FRK: variants seen among roughly 807,000 people sequenced by gnomAD.
FRK encodes tyrosine-protein kinase FRK.
In FRK, 51 loss-of-function variants were observed where a neutral mutation model predicts 56.4. The ratio of observed to expected loss-of-function variants is 0.90; its 90% CI spans 0.72 to 1.14. The LOEUF (loss-of-function observed/expected upper bound fraction) is 1.14, where lower values mean the gene tolerates loss of function less well. Ranked by LOEUF, FRK falls within the 50% of genes most tolerant of loss-of-function variation. FRK has a pLI of 0.00. For missense variants in FRK, 570 were observed against 601.4 expected, an observed-to-expected ratio of 0.95 and a Z score of 0.55; for synonymous variants, 245 against 217.9, an observed-to-expected ratio of 1.12 and a Z score of -1.10.
At chr6:116,047,081 C>G (rs776043409) in intron 1 of FRK, among the ~76,000 whole-genome samples, 67 of 151,224 alleles carry the variant, frequency 4.4e-4, no homozygotes, top group Non-Finnish European at 8.8e-4. Flanking sequence ...GCTGCCTCTA[C>G]TTTAAGACCT....
At chr6:116,050,794 A>C (rs1777151530) in intron 1 of FRK, among the ~76,000 whole-genome samples, 1 of 152,208 alleles carries the variant, frequency 6.6e-6, no homozygotes, top group South Asian at 2.1e-4. Context: ...TGGATAACTG[A>C]ATCTCATAGA....
At chr6:116,007,870 TG>T (rs1165715977) in intron 1 of FRK, among the ~76,000 whole-genome samples, 4 of 152,106 alleles carry the variant, frequency 2.6e-5, no homozygotes, top group African/African-American at 9.7e-5. Context: ...ATTTGAAAGT[TG>T]GGGCACATAA....
intron 1 of FRK, among the ~76,000 whole-genome samples, chr6:116,030,263 T>C (rs1776252949): frequency 6.6e-6 from 1 of 152,116 alleles, no homozygotes; most frequent in Non-Finnish European, 1.5e-5. Context: ...CCCTCAGGTG[T>C]CCCATAAAAT....
At chr6:116,033,777 T>G (rs1266517602) in intron 1 of FRK, among the ~76,000 whole-genome samples, 1 of 152,166 alleles carries the variant, frequency 6.6e-6, no homozygotes, top group East Asian at 1.9e-4. Flanking sequence ...TTTTGGCATT[T>G]TAATGGGGTC....
At chr6:115,975,014 T>C (rs912145718) in intron 2 of FRK, among the ~76,000 whole-genome samples, 2 of 152,186 alleles carry the variant, frequency 1.3e-5, no homozygotes, top group Non-Finnish European at 2.9e-5. Flanking sequence ...AATGAATGAA[T>C]GATATCACTA....
intron 1 of FRK, among the ~76,000 whole-genome samples, chr6:116,028,234 T>C (rs1303076458): frequency 9.9e-5 from 15 of 152,162 alleles, no homozygotes; most frequent in Non-Finnish European, 1.8e-4. Context: ...GAAATCACAA[T>C]TTATTTTTAA....
At chr6:116,023,009 C>T (rs571106356) in intron 1 of FRK, among the ~76,000 whole-genome samples, 2 of 152,186 alleles carry the variant, frequency 1.3e-5, no homozygotes, top group South Asian at 2.1e-4. Flanking sequence ...TAAAGAGACA[C>T]TTCACAAAAG....
chr6:116,016,559 TTGTG>T lies in FRK; in HGVS notation c.345-12565_345-12562del, dbSNP rs149504212. 9.7e-4 allele frequency among the ~76,000 whole-genome samples: 147 copies of T among 150,964 alleles called. 2 individuals carry two copies. The highest frequency in any genetic ancestry group is 3.5e-3 in the African/African-American group (144 of 41,284). ...TGAGTGGATGGATGTGTGTGTGTGT[TTGTG>T]TGTGTGTGTGTAGCTGCAGATACCA... is the stretch of plus-strand genomic sequence containing the variant. On this transcript the variant is annotated intron_variant, in intron 1 of 7. Coordinates refer to ENST00000606080, the MANE Select transcript of FRK (RefSeq NM_002031.3).
chr6:116,010,291 T>C (rs1775415405), intron 1 of FRK, among the ~76,000 whole-genome samples: 1 of 152,148 alleles, frequency 6.6e-6, no homozygotes, highest in African/African-American at 2.4e-5. Flanking sequence ...ATGAAAGTAA[T>C]GACAGAGGAG....
chr6:116,054,115 AGTTAT>A (rs577909607), intron 1 of FRK, among the ~76,000 whole-genome samples: 48 of 151,862 alleles, frequency 3.2e-4, no homozygotes, highest in Admixed American at 3.0e-3. Context: ...AAATTGAGTT[AGTTAT>A]ATTAACATAA....
Position 115,942,606 on chromosome 6 carries a change from T to G in FRK, c.1326A>C (p.Val442=). Residue 442 remains valine, a synonymous_variant, in exon 8 of 8, where the codon GTA becomes GTC. Coordinates refer to ENST00000606080, the MANE Select transcript of FRK (RefSeq NM_002031.3). ...MPYSGMTGAQ[V]IQMLAQNYRL... Reference sequence around the variant, plus strand: ...TATAGTTTTGAGCCAACATCTGGATTACCTGGGCACCTGTCATACCTTGAA... The same window carrying G: ...TATAGTTTTGAGCCAACATCTGGATGACCTGGGCACCTGTCATACCTTGAA... 6.2e-7 allele frequency: 1 copy of G among 1,613,572 alleles called. No homozygotes were observed. The highest frequency in any genetic ancestry group is 1.1e-5 in the South Asian group (1 of 91,064).
At chr6:116,086,977 C>T in the FRK span, among the ~76,000 whole-genome samples, 2 of 152,124 alleles carry the variant, frequency 1.3e-5, no homozygotes, top group South Asian at 4.1e-4. Flanking sequence ...AGACAAAATA[C>T]TTGATGTCGT....
rs771369638 is a variant in FRK at position 115,956,528 on chromosome 6, A to G, written c.882T>C (p.Ala294=). 6.3e-7 allele frequency: 1 copy of G among 1,595,494 alleles called. No homozygotes were observed. Among genetic ancestry groups the G allele is most frequent in the Non-Finnish European group, 8.5e-7 (1 of 1,171,160 alleles). ...AAATTGGATCTTCTAAAGTGCAAAC[A>G]GCATAAAGCTGGATAAGCTTTGGAT... is the stretch of plus-strand genomic sequence containing the variant. ...LRHPKLIQLY[A]VCTLEDPIYI... Residue 294 remains alanine, a synonymous_variant, in exon 5 of 8, where the codon GCT becomes GCC. Transcript: ENST00000606080.
At chr6:116,039,603 C>T (rs77427140) in intron 1 of FRK, 5 of 776,662 alleles carry the variant, frequency 6.4e-6, no homozygotes. Context: ...CATCTGCCCC[C>T]TCTTGCGGCC....
rs1051790796 is a variant in FRK, at chr6:115,931,925, T to C, written c.*10489A>G. ...TACTTCCAACTGGACACTTGAGGTG[T>C]GTTTGAGATATAGCACCCTTTTCTG... On this transcript the variant is annotated 3_prime_UTR_variant, in exon 8 of 8. Transcript: ENST00000606080. 6.6e-6 allele frequency: 1 copy of C among 152,198 alleles called. No individual in the cohort carries two copies. The highest frequency in any genetic ancestry group is 1.5e-5 in the Non-Finnish European group (1 of 68,020). The allele number at this position is 152,198 out of a possible 1,614,324, so 9.4% of individuals were successfully genotyped here.
Position 115,932,199 on chromosome 6 carries a change from T to C in FRK, c.*10215A>G, listed in dbSNP as rs1052160106. On this transcript the variant is annotated 3_prime_UTR_variant, in exon 8 of 8. Coordinates refer to ENST00000606080, the MANE Select transcript of FRK (RefSeq NM_002031.3). ...ACTACTTTGTTCTCCAGTATATTTC[T>C]AAATTTCATAAATAACTTGAGAGGC... 11 of 152,236 alleles carry C rather than the reference T, an allele frequency of 7.2e-5. No individual in the cohort carries two copies. Among genetic ancestry groups the C allele is most frequent in the Admixed American group, 1.3e-4 (2 of 15,282 alleles). 9.4% of individuals were successfully genotyped at this position (152,236 alleles called of 1,614,324 possible).
chr6:116,054,899 A>G (rs1777333116), intron 1 of FRK, among the ~76,000 whole-genome samples: 1 of 152,052 alleles, frequency 6.6e-6, no homozygotes, highest in Non-Finnish European at 1.5e-5. Flanking sequence ...ATTAAGGGTA[A>G]TGTTAATTTT....
rs1277668692 is a variant in FRK, at chr6:115,937,574, G to A, written c.*4840C>T. On this transcript the variant is annotated 3_prime_UTR_variant, in exon 8 of 8. Coordinates refer to ENST00000606080, the MANE Select transcript of FRK (RefSeq NM_002031.3). ...ACCCATCAGTGTGCTGTATTCAGGAGACCCATCTCACATGCAAAGAGACAC... is the reference window on the plus strand; with the variant it reads ...ACCCATCAGTGTGCTGTATTCAGGAAACCCATCTCACATGCAAAGAGACAC... 6.6e-6 allele frequency: 1 copy of A among 152,050 alleles called. No individual in the cohort carries two copies. The allele number at this position is 152,050 out of a possible 1,614,324, so 9.4% of individuals were successfully genotyped here.
chr6:116,060,324 G>T lies in FRK; in HGVS notation c.-13C>A, dbSNP rs1296851330. On this transcript the variant is annotated 5_prime_UTR_variant, in exon 1 of 8. Transcript: ENST00000606080. ...AGATGTTGCTCATTGTGCCTTGGTG[G>T]GGAGAAGAGGAGCAGGGCTTCTCCC... 4 of 1,601,104 alleles carry T rather than the reference G, an allele frequency of 2.5e-6. No homozygotes were observed. The highest frequency in any genetic ancestry group is 3.4e-6 in the Non-Finnish European group (4 of 1,171,020).
Sources: gnomAD v4.1 joint callset for allele counts (sites outside exome capture counted in the v4.1 genomes callset) on GRCh38, gnomAD v4.1.1 for gene constraint, MANE v1.5 for transcripts, NCBI Gene and HGNC (gene_info 2026-07-23, HGNC 2026-07-21) for gene names.